Variants in MAP2K5 observed in about 807,000 individuals in gnomAD.
MAP2K5 encodes the protein dual specificity mitogen-activated protein kinase kinase 5.
A neutral mutation model predicts 83.1 loss-of-function variants in MAP2K5; 49 were observed. That is an observed-to-expected ratio of 0.59 (90% confidence interval 0.47 to 0.75). MAP2K5 has a LOEUF of 0.75. MAP2K5 is among the 30% of genes least tolerant of loss of function. The pLI, the probability that MAP2K5 is intolerant of heterozygous loss-of-function variation, is 0.00. For synonymous variants in MAP2K5, 202 were observed against 191.8 expected, an observed-to-expected ratio of 1.05 and a Z score of -0.44; for missense variants, 457 against 557.5, an observed-to-expected ratio of 0.82 and a Z score of 1.82.
intron 4 of MAP2K5, among the ~76,000 whole-genome samples, chr15:67,582,133 C>T (rs1474255126): frequency 6.7e-6 from 1 of 148,364 alleles, no homozygotes. Context: ...GCAATCTCAG[C>T]TCACCGCAAC....
chr15:67,631,026 G>T (rs2086462092), intron 9 of MAP2K5, 99 bp downstream of exon 9: 4 of 963,486 alleles, frequency 4.2e-6, no homozygotes, highest in African/African-American at 1.6e-5. Flanking sequence ...AGATGAAATG[G>T]CTTAAGGTTT....
At chr15:67,548,913 G>GAAA in intron 1 of MAP2K5, 11 of 589,502 alleles carry the variant, frequency 1.9e-5, no homozygotes, top group Admixed American at 4.4e-5. Context: ...ATTTATTTTT[G>GAAA]AAAAAAAAAA....
intron 11 of MAP2K5, among the ~76,000 whole-genome samples, chr15:67,651,257 G>T (rs2086946144): frequency 6.6e-6 from 1 of 152,118 alleles, no homozygotes; most frequent in Non-Finnish European, 1.5e-5. Context: ...CCATAATATT[G>T]TACATATTTA....
At chr15:67,574,246 A>G (rs990967755) in intron 3 of MAP2K5, among the ~76,000 whole-genome samples, 5 of 152,164 alleles carry the variant, frequency 3.3e-5, no homozygotes, top group Non-Finnish European at 5.9e-5. Flanking sequence ...AGAAGTTAAC[A>G]GATTTGAGAA....
intron 19 of MAP2K5, among the ~76,000 whole-genome samples, chr15:67,756,831 G>C (rs2089848584): frequency 6.6e-6 from 1 of 151,958 alleles, no homozygotes; most frequent in African/African-American, 2.4e-5. Context: ...ATATTCATCT[G>C]TCTGAACCTT....
intron 2 of MAP2K5, among the ~76,000 whole-genome samples, chr15:67,551,376 C>T (rs1402220614): frequency 5.9e-5 from 9 of 151,856 alleles, no homozygotes; most frequent in Admixed American, 5.9e-4. Flanking sequence ...TGCCTTGGTG[C>T]CTAGACTGGA....
rs753835163 is a variant in MAP2K5 at position 67,693,608 on chromosome 15, T to C, written c.972+40T>C. On this transcript the variant is annotated intron_variant, in intron 15 of 21. Coordinates refer to ENST00000178640, the MANE Select transcript of MAP2K5 (RefSeq NM_145160.3). ...GCAAAAATAATGTTTAAAACCAACATCTTTATCTTTATGTACTTGGTAATG... is the reference window on the plus strand; with the variant it reads ...GCAAAAATAATGTTTAAAACCAACACCTTTATCTTTATGTACTTGGTAATG... The C allele has an allele frequency of 6.5e-6, 9 of 1,379,510 alleles. No homozygotes were observed. The East Asian group carries it at 2.1e-4, about 32-fold the overall frequency. The allele number at this position is 1,379,510 out of a possible 1,614,324, so 85.5% of individuals were successfully genotyped here. A position where few individuals can be genotyped will look rare whatever the true frequency, so the allele number is the denominator to read the frequency against.
intron 15 of MAP2K5, among the ~76,000 whole-genome samples, chr15:67,695,598 T>A (rs767776347): frequency 2.0e-5 from 3 of 152,236 alleles, no homozygotes; most frequent in Non-Finnish European, 4.4e-5. Flanking sequence ...CACTGTAATT[T>A]TTTAAAAGTT....
chr15:67,775,837 G>A lies in MAP2K5; in HGVS notation c.1242+3085G>A, dbSNP rs1596954706. Among the ~76,000 whole-genome samples the A allele has an allele frequency of 1.3e-5, 2 of 152,180 alleles. No homozygotes were observed. Among genetic ancestry groups the A allele is most frequent in the East Asian group, 3.9e-4 (2 of 5,190 alleles). ...TGTATCTCGGTTTCAGACATTTTCA[G>A]AGCAATGTGAAGCCTCTAGTGCCTG... is the stretch of plus-strand genomic sequence containing the variant. On this transcript the variant is annotated intron_variant, in intron 21 of 21. Transcript: ENST00000178640. This position sits in a 1 kb window ranked among gnomAD's most constrained non-coding sequence, Gnocchi z 5.3.
In MAP2K5 at chr15:67,780,277, T is replaced by C. The variant is rs1223747451; in HGVS notation, c.1242+7525T>C. Reference sequence around the variant, plus strand: ...TCTGGCCAGGGAGCAGATACTTTTTTTTTTTTTTAACCTTTAAAGTTCTCT... The same window carrying C: ...TCTGGCCAGGGAGCAGATACTTTTTCTTTTTTTTAACCTTTAAAGTTCTCT... On this transcript the variant is annotated intron_variant, in intron 21 of 21. Coordinates refer to ENST00000178640, the MANE Select transcript of MAP2K5 (RefSeq NM_145160.3). This position sits in a 1 kb window ranked among gnomAD's most constrained non-coding sequence, Gnocchi z 5.0. Among the ~76,000 whole-genome samples the C allele has an allele frequency of 6.6e-6, 1 of 152,156 alleles. No individual in the cohort carries two copies. The highest frequency in any genetic ancestry group is 2.4e-5 in the African/African-American group (1 of 41,436).
intron 17 of MAP2K5, among the ~76,000 whole-genome samples, chr15:67,729,947 T>A (rs1262172574): frequency 6.6e-6 from 1 of 152,188 alleles, no homozygotes; most frequent in Non-Finnish European, 1.5e-5. Flanking sequence ...AACTCCCTAG[T>A]TAGCAACAAC....
rs970179755 is a variant in MAP2K5, at chr15:67,750,313, A to G, written c.1134+1712A>G. Among the ~76,000 whole-genome samples, 1 of 152,236 alleles carries G rather than the reference A, an allele frequency of 6.6e-6. No individual in the cohort carries two copies. Among genetic ancestry groups the G allele is most frequent in the African/African-American group, 2.4e-5 (1 of 41,462 alleles). Reference sequence around the variant, plus strand: ...TTCCTTGTGGAAACTTGGGAAATGAACATTGCCTTTGCTAAAACCAGGTTG... The same window carrying G: ...TTCCTTGTGGAAACTTGGGAAATGAGCATTGCCTTTGCTAAAACCAGGTTG... On this transcript the variant is annotated intron_variant, in intron 19 of 21. Transcript: ENST00000178640. The surrounding 1 kb of genome is among the most constrained non-coding windows in gnomAD (Gnocchi z 4.2).
chr15:67,693,525 A>G lies in MAP2K5; in HGVS notation c.929A>G (p.Asn310Ser), dbSNP rs1394429455. The G allele has an allele frequency of 6.2e-7, 1 of 1,611,628 alleles. No individual in the cohort carries two copies. Among genetic ancestry groups the G allele is most frequent in the Non-Finnish European group, 8.5e-7 (1 of 1,178,504 alleles). The change falls in exon 15 of 22, where the codon AAT becomes AGT. Residue 310 changes from asparagine (N) to serine (S), a missense_variant. By Grantham distance (46) the Asn-to-Ser change is conservative. Transcript: ENST00000178640. ...GACTGTTTTGTCTCATAGCTGGTGA[A>G]TTCTATAGCCAAGACGTATGTTGGA... Reference protein sequence around the residue: ...CDFGVSTQLVNSIAKTYVGTN... With the variant: ...CDFGVSTQLVSSIAKTYVGTN...
chr15:67,560,511 C>T (rs1223749217), intron 2 of MAP2K5, among the ~76,000 whole-genome samples: 1 of 152,236 alleles, frequency 6.6e-6, no homozygotes, highest in Non-Finnish European at 1.5e-5. Flanking sequence ...GATTTTATCC[C>T]CAGCCTTTAT....
In MAP2K5 at chr15:67,550,049, G is replaced by T; in HGVS notation, c.151G>T (p.Val51Phe). 1 of 1,613,646 alleles carries T rather than the reference G, an allele frequency of 6.2e-7. No individual in the cohort carries two copies. The highest frequency in any genetic ancestry group is 2.2e-5 in the East Asian group (1 of 44,840). Reference protein sequence around the residue: ...FRDVLDVIGQVLPEATTTAFE... With the variant: ...FRDVLDVIGQFLPEATTTAFE... ...CTTTGTTTAGGATGTGATAGGCCAG[G>T]TTCTGCCTGAAGCAACAACTACAGC... is the stretch of plus-strand genomic sequence containing the variant. The change falls in exon 2 of 22, where the codon GTT becomes TTT. Residue 51 changes from valine (V) to phenylalanine (F), a missense_variant. Physicochemically the swap from Val to Phe is conservative, Grantham distance 50. This residue lies in a region of MAP2K5 where 234 missense variants were observed against 243.6 expected (regional missense o/e 0.96). Transcript: ENST00000178640.
At chr15:67,725,109 A>T (rs542117998) in intron 16 of MAP2K5, among the ~76,000 whole-genome samples, 2 of 152,350 alleles carry the variant, frequency 1.3e-5, no homozygotes, top group Admixed American at 1.3e-4. Context: ...CACCAGTTCA[A>T]GCACTGGCAC....
At position 67,750,294 on chromosome 15, in the gene MAP2K5, G is replaced by T. The variant is rs1209153027; in HGVS notation, c.1134+1693G>T. Reference sequence around the variant, plus strand: ...TGTTTACTCTAAAACCATCTTCCTTGTGGAAACTTGGGAAATGAACATTGC... The same window carrying T: ...TGTTTACTCTAAAACCATCTTCCTTTTGGAAACTTGGGAAATGAACATTGC... On this transcript the variant is annotated intron_variant, in intron 19 of 21. Transcript: ENST00000178640. The surrounding 1 kb of genome is among the most constrained non-coding windows in gnomAD (Gnocchi z 4.2). 6.6e-6 allele frequency among the ~76,000 whole-genome samples: 1 copy of T among 152,192 alleles called. No homozygotes were observed. The highest frequency in any genetic ancestry group is 1.9e-4 in the East Asian group (1 of 5,200).
intron 13 of MAP2K5, among the ~76,000 whole-genome samples, chr15:67,669,053 T>G (rs1289727315): frequency 6.6e-6 from 1 of 152,168 alleles, no homozygotes; most frequent in Non-Finnish European, 1.5e-5. Flanking sequence ...TTTATAAATC[T>G]GGCCTCACAC....
At chr15:67,689,437 G>A (rs1314295379) in intron 13 of MAP2K5, among the ~76,000 whole-genome samples, 1 of 152,188 alleles carries the variant, frequency 6.6e-6, no homozygotes, top group Admixed American at 6.5e-5. Flanking sequence ...AAACCTGGGG[G>A]TGGGAAGGAG....
Sources: gnomAD v4.1 joint callset for allele counts (sites outside exome capture counted in the v4.1 genomes callset) on GRCh38, gnomAD v4.1.1 for gene constraint, gnomAD v4.1.1 regional missense constraint, Gnocchi (gnomAD v3.1) non-coding constraint, MANE v1.5 for transcripts, NCBI Gene and HGNC (gene_info 2026-07-23, HGNC 2026-07-21) for gene names.